Variants in NUDT21 observed in about 807,000 individuals in gnomAD.
NUDT21 encodes the protein cleavage and polyadenylation specificity factor subunit 5.
NUDT21 carries 5 observed loss-of-function variants against 29.8 expected under a neutral mutation model. The observed-to-expected ratio is 0.17, with a 90% CI of 0.09 to 0.35. NUDT21 has a LOEUF of 0.35. Among genes scored for constraint, NUDT21 ranks in the 10% least tolerant of loss-of-function variants. The probability of loss-of-function intolerance (pLI) is 1.00; values close to 1 mark genes in which losing one functional copy is unlikely to be tolerated. For missense variants in NUDT21, 76 were observed against 276.0 expected (o/e 0.28, Z 5.13); for synonymous variants, 113 against 98.5 (o/e 1.15, Z -0.87).
At chr16:56,450,874 G>A (rs1274458245) in intron 1 of NUDT21, among the ~76,000 whole-genome samples, 1 of 152,224 alleles carries the variant, frequency 6.6e-6, no homozygotes, top group Non-Finnish European at 1.5e-5. Context: ...ACATAGGATG[G>A]GAACAAGCCT....
intron 4 of NUDT21, among the ~76,000 whole-genome samples, chr16:56,438,889 C>T (rs182055365): frequency 2.6e-5 from 4 of 152,000 alleles, no homozygotes; most frequent in East Asian, 1.9e-4. Flanking sequence ...TCAGGATACG[C>T]GAACAGTGAC....
At chr16:56,444,591 A>G (rs2143942458) in intron 3 of NUDT21, among the ~76,000 whole-genome samples, 1 of 143,072 alleles carries the variant, frequency 7.0e-6, no homozygotes, top group African/African-American at 2.6e-5. Context: ...CAAGAGTGAA[A>G]CTCCGCCTCA....
intron 4 of NUDT21, among the ~76,000 whole-genome samples, chr16:56,438,412 T>C (rs1047883102): frequency 3.3e-5 from 5 of 152,184 alleles, no homozygotes; most frequent in Admixed American, 6.5e-5. Flanking sequence ...ACAGCCCAGA[T>C]GAAACTAAGA....
rs1409655953 is a variant in NUDT21 at position 56,451,140 on chromosome 16, G to A, written c.63C>T (p.Gly21=). ...GCTTCGTCTGCTGGATGTACTTGTT[G>A]CCGAACTGAGTGACCCCCCGGGGCC... ...TGWPRGVTQF[G]NKYIQQTKPL... is the part of the protein sequence containing the mutation. Residue 21 remains glycine, a synonymous_variant, in exon 1 of 7, where the codon GGC becomes GGT. Transcript: ENST00000300291. The A allele has an allele frequency of 1.3e-5, 21 of 1,613,500 alleles. No homozygotes were observed. Among genetic ancestry groups the A allele is most frequent in the Middle Eastern group, 1.6e-4 (1 of 6,076 alleles).
rs1962263968 is a variant in NUDT21, at chr16:56,449,861, ACCT to A, written c.116+1223_116+1225del. On this transcript the variant is annotated intron_variant, in intron 1 of 6. Coordinates refer to ENST00000300291, the MANE Select transcript of NUDT21 (RefSeq NM_007006.3). ...ACTCCTGGCCTCAAGTGATCCTCCC[ACCT>A]CAGCCTCCCAAGGTGCTGGGAGTAC... Among the ~76,000 whole-genome samples, 4 of 151,930 alleles carry A rather than the reference ACCT, an allele frequency of 2.6e-5. No homozygotes were observed. In the South Asian group the frequency reaches 8.3e-4, roughly 32 times the overall value.
intron 4 of NUDT21, among the ~76,000 whole-genome samples, chr16:56,438,585 G>A (rs1464838941): frequency 6.6e-6 from 1 of 152,160 alleles, no homozygotes; most frequent in African/African-American, 2.4e-5. Flanking sequence ...GCTAAATTTT[G>A]AGGTAATTTG....
At chr16:56,435,126 G>A (rs950374011) in intron 4 of NUDT21, 3 of 194,128 alleles carry the variant, frequency 1.5e-5, no homozygotes, top group African/African-American at 7.0e-5. Context: ...GCTTTTTTTT[G>A]TTTGTTTGTT....
At chr16:56,434,146 C>CT (rs1274353043) in intron 6 of NUDT21, among the ~76,000 whole-genome samples, 185 bp downstream of exon 6, 3 of 152,192 alleles carry the variant, frequency 2.0e-5, no homozygotes, top group Non-Finnish European at 4.4e-5. Flanking sequence ...CATGCCGAAA[C>CT]TTAAGAGTCT....
chr16:56,446,957 T>C lies in NUDT21; in HGVS notation c.318-268A>G, dbSNP rs1354598096. 11 of 314,096 alleles carry C rather than the reference T, an allele frequency of 3.5e-5. No homozygotes were observed. The Admixed American group carries it at 4.4e-4, about 13-fold the overall frequency. 19.5% of individuals were successfully genotyped at this position (314,096 alleles called of 1,614,324 possible). A position where few individuals can be genotyped will look rare whatever the true frequency, so the allele number is the denominator to read the frequency against. On this transcript the variant is annotated intron_variant, in intron 2 of 6. Coordinates refer to ENST00000300291, the MANE Select transcript of NUDT21 (RefSeq NM_007006.3). The stretch of plus-strand genomic sequence containing the variant: ...TTCAACGGGTACATGTACAAGTTTG[T>C]TACATAGGTATATTGTGTAATGCTA...
Position 56,446,591 on chromosome 16 carries a change from T to C in NUDT21, c.381+35A>G, listed in dbSNP as rs748242262. The C allele has an allele frequency of 1.3e-5, 16 of 1,242,480 alleles. No homozygotes were observed. In the African/African-American group the frequency reaches 1.4e-4, roughly 11 times the overall value. The allele number at this position is 1,242,480 out of a possible 1,614,324, so 77.0% of individuals were successfully genotyped here. On this transcript the variant is annotated intron_variant, in intron 3 of 6. Coordinates refer to ENST00000300291, the MANE Select transcript of NUDT21 (RefSeq NM_007006.3). Reference sequence around the variant, plus strand: ...CATTAAAAGCCAAATAACTAGTAAGTTGATGGTATTCAAAGTGGTTAAACA... The same window carrying C: ...CATTAAAAGCCAAATAACTAGTAAGCTGATGGTATTCAAAGTGGTTAAACA...
At chr16:56,445,204 T>C (rs76954730) in intron 3 of NUDT21, among the ~76,000 whole-genome samples, 8,654 of 151,926 alleles carry the variant, frequency 0.057, 309 homozygotes, top group Non-Finnish European at 0.08. Context: ...AAAAAGGAAA[T>C]GCTCATTGGA....
rs574540179 is a variant in NUDT21 at position 56,451,316 on chromosome 16, G to A, written c.-114C>T. On this transcript the variant is annotated 5_prime_UTR_variant, in exon 1 of 7. Coordinates refer to ENST00000300291, the MANE Select transcript of NUDT21 (RefSeq NM_007006.3). The stretch of plus-strand genomic sequence containing the variant: ...CAGCGGCTACTGCCCGCCATTAACA[G>A]GACAGCGCAAGAGGAGGCGTAGGCA... 293 of 870,618 alleles carry A rather than the reference G, an allele frequency of 3.4e-4. 1 individual carries two copies. Among genetic ancestry groups the A allele is most frequent in the Non-Finnish European group, 4.8e-4 (270 of 563,628 alleles). The allele number at this position is 870,618 out of a possible 1,614,324, so 53.9% of individuals were successfully genotyped here. A position where few individuals can be genotyped will look rare whatever the true frequency, so the allele number is the denominator to read the frequency against.
intron 1 of NUDT21, among the ~76,000 whole-genome samples, chr16:56,450,601 C>T (rs1483643102): frequency 2.0e-5 from 3 of 152,086 alleles, no homozygotes; most frequent in Non-Finnish European, 4.4e-5. Context: ...TTAAGTGGCA[C>T]CTAAAAGGAA....
At chr16:56,450,202 C>G (rs1400973864) in intron 1 of NUDT21, among the ~76,000 whole-genome samples, 1 of 152,078 alleles carries the variant, frequency 6.6e-6, no homozygotes, top group Non-Finnish European at 1.5e-5. Context: ...AAAATGGAGG[C>G]ACCGCGTTGC....
Position 56,434,435 on chromosome 16 carries a change from T to A in NUDT21, c.558A>T (p.Ala186=). The change falls in exon 6 of 7, where the codon GCA becomes GCT. Residue 186 remains alanine (A), a synonymous_variant. Coordinates refer to ENST00000300291, the MANE Select transcript of NUDT21 (RefSeq NM_007006.3). ...CTACCAGCTTGTAATTTTTAGGGAC[T>A]GCAAACAAGGCTAAAATAAAACAGA... is the stretch of plus-strand genomic sequence containing the variant. ...LVQLQEKALF[A]VPKNYKLVAA... is the part of the protein sequence containing the mutation. The A allele has an allele frequency of 6.3e-7, 1 of 1,596,730 alleles. No homozygotes were observed. Among genetic ancestry groups the A allele is most frequent in the Non-Finnish European group, 8.6e-7 (1 of 1,164,414 alleles).
intron 3 of NUDT21, 150 bp downstream of exon 3, chr16:56,446,476 A>G: frequency 1.9e-6 from 1 of 520,220 alleles, no homozygotes; most frequent in South Asian, 3.0e-5. Flanking sequence ...TCAACTTGTA[A>G]AAAAAAATCA....
At chr16:56,446,164 T>C (rs185829286) in intron 3 of NUDT21, among the ~76,000 whole-genome samples, 145 of 152,350 alleles carry the variant, frequency 9.5e-4, no homozygotes, top group African/African-American at 3.1e-3. Flanking sequence ...GGGCAAAGTC[T>C]AAAAAATATG....
At chr16:56,446,753 A>G in intron 2 of NUDT21, 64 bp from the exon 3 acceptor site, 2 of 959,124 alleles carry the variant, frequency 2.1e-6, no homozygotes, top group Non-Finnish European at 3.2e-6. Flanking sequence ...AAATAACACA[A>G]TAATTGTTAT....
In NUDT21 at chr16:56,447,845, A is replaced by G; in HGVS notation, c.261T>C (p.His87=). 4 of 1,614,154 alleles carry G rather than the reference A, an allele frequency of 2.5e-6. No homozygotes were observed. Among genetic ancestry groups the G allele is most frequent in the Non-Finnish European group, 3.4e-6 (4 of 1,179,980 alleles). Residue 87 remains histidine (H), a synonymous_variant, in exon 2 of 7, where the codon CAT becomes CAC. Transcript: ENST00000300291. ...GTAACACATGGGGTAGCCGGTGCTC[A>G]TGTACAATCAGAACCCCTTCTACAG... ...RRTVEGVLIV[H]EHRLPHVLLL...
Sources: gnomAD v4.1 joint callset for allele counts (sites outside exome capture counted in the v4.1 genomes callset) on GRCh38, gnomAD v4.1.1 for gene constraint, MANE v1.5 for transcripts, NCBI Gene and HGNC (gene_info 2026-07-23, HGNC 2026-07-21) for gene names.